Variants in LINGO2 observed in about 807,000 individuals in gnomAD.
LINGO2 encodes leucine-rich repeat and immunoglobulin-like domain-containing nogo receptor-interacting protein 2.
Under a neutral mutation model 30.6 loss-of-function variants are expected in LINGO2, and 14 were observed. The observed-to-expected ratio is 0.46, with a 90% CI of 0.30 to 0.72. The LOEUF (loss-of-function observed/expected upper bound fraction) is 0.72. LINGO2 is among the 30% of genes least tolerant of loss of function. The pLI, the probability that LINGO2 is intolerant of heterozygous loss-of-function variation, is 0.07. For missense variants in LINGO2, 729 were observed against 751.7 expected (o/e 0.97, Z 0.35); for synonymous variants, 317 against 288.5 (o/e 1.10, Z -1.00).
the LINGO2 span, among the ~76,000 whole-genome samples, chr9:28,950,556 A>T: frequency 2.0e-4 from 30 of 147,286 alleles, no homozygotes; most frequent in Admixed American, 1.4e-3. Context: ...GTCTCAGGAT[A>T]CAAAATCAAT....
At chr9:28,919,497 C>T in the LINGO2 span, among the ~76,000 whole-genome samples, 55 of 152,172 alleles carry the variant, frequency 3.6e-4, no homozygotes, top group African/African-American at 1.2e-3. Context: ...ATGTTATGTC[C>T]TGGTTCAGCA....
intron 4 of LINGO2, among the ~76,000 whole-genome samples, chr9:28,059,558 G>T (rs1256844248): frequency 6.6e-5 from 10 of 152,282 alleles, no homozygotes; most frequent in Admixed American, 5.9e-4. Context: ...CTTCACAAGT[G>T]TGAGGAGACA....
the LINGO2 span, among the ~76,000 whole-genome samples, chr9:28,794,408 G>A: frequency 6.6e-6 from 1 of 152,196 alleles, no homozygotes; most frequent in Non-Finnish European, 1.5e-5. Context: ...GAAACATTGA[G>A]TTAGTTCTGG....
chr9:28,113,459 T>C (rs1264755221), intron 4 of LINGO2, among the ~76,000 whole-genome samples: 3 of 14,468 alleles, frequency 2.1e-4, no homozygotes, highest in African/African-American at 9.8e-4. Context: ...AAGTCATTGG[T>C]AGCTTGATGG....
chr9:29,137,330 C>G, the LINGO2 span, among the ~76,000 whole-genome samples: 39 of 152,110 alleles, frequency 2.6e-4, no homozygotes, highest in Non-Finnish European at 4.4e-4. Flanking sequence ...TTTTATAAAT[C>G]TTCATTATTT....
chr9:29,190,823 T>C, the LINGO2 span, among the ~76,000 whole-genome samples: 125 of 152,296 alleles, frequency 8.2e-4, no homozygotes, highest in African/African-American at 2.7e-3. Flanking sequence ...AATTAACTGG[T>C]ATGGCATTGT....
chr9:28,127,257 G>T (rs1216091191), intron 4 of LINGO2, among the ~76,000 whole-genome samples: 3 of 152,104 alleles, frequency 2.0e-5, no homozygotes, highest in African/African-American at 7.2e-5. Context: ...GATGTCCAGG[G>T]ATTTTGATGC....
At chr9:28,450,298 T>C (rs1444887186) in intron 2 of LINGO2, among the ~76,000 whole-genome samples, 1 of 152,030 alleles carries the variant, frequency 6.6e-6, no homozygotes, top group Non-Finnish European at 1.5e-5. Flanking sequence ...ATCTGCCTAC[T>C]CACAAACTTC....
At chr9:28,547,673 G>T (rs1023578648) in intron 1 of LINGO2, among the ~76,000 whole-genome samples, 2 of 152,050 alleles carry the variant, frequency 1.3e-5, no homozygotes, top group Admixed American at 1.3e-4. Flanking sequence ...GCTAACAAAA[G>T]TTCAAATGGA....
chr9:28,060,950 C>A (rs745687587), intron 4 of LINGO2, among the ~76,000 whole-genome samples: 33 of 151,974 alleles, frequency 2.2e-4, no homozygotes, highest in Non-Finnish European at 4.3e-4. Flanking sequence ...CCCCAGTATC[C>A]TTCAGATATC....
chr9:28,640,955 T>C (rs9776184), intron 1 of LINGO2, among the ~76,000 whole-genome samples: 3,162 of 152,206 alleles, frequency 0.021, 116 homozygotes, highest in African/African-American at 0.069. Flanking sequence ...ATCTTCATGG[T>C]TTTATCTACC....
chr9:28,315,310 C>T (rs927964658), intron 3 of LINGO2, among the ~76,000 whole-genome samples: 5 of 151,316 alleles, frequency 3.3e-5, no homozygotes, highest in African/African-American at 1.2e-4. Flanking sequence ...GAGGCTGAGG[C>T]AGAGAATTTC....
chr9:28,055,798 C>T (rs13285643), intron 4 of LINGO2, among the ~76,000 whole-genome samples: 3,773 of 152,240 alleles, frequency 0.025, 75 homozygotes, highest in Non-Finnish European at 0.038. Flanking sequence ...TATTTGAAGC[C>T]TATGGATATA....
chr9:27,999,676 A>G (rs567878726), intron 5 of LINGO2, among the ~76,000 whole-genome samples: 1 of 152,128 alleles, frequency 6.6e-6, no homozygotes, highest in Non-Finnish European at 1.5e-5. Flanking sequence ...AATATTAGTG[A>G]TATCCATTAT....
chr9:28,471,886 A>G, intron 2 of LINGO2, among the ~76,000 whole-genome samples: 1 of 152,206 alleles, frequency 6.6e-6, no homozygotes, highest in East Asian at 1.9e-4. Flanking sequence ...TACATTGAAA[A>G]TTAAACTATT....
At chr9:28,719,637 T>G in the LINGO2 span, among the ~76,000 whole-genome samples, 1 of 152,144 alleles carries the variant, frequency 6.6e-6, no homozygotes, top group South Asian at 2.1e-4. Flanking sequence ...CTTTTTATGC[T>G]TTCCTCTTAT....
chr9:29,199,453 AT>A, the LINGO2 span, among the ~76,000 whole-genome samples: 1 of 152,194 alleles, frequency 6.6e-6, no homozygotes, highest in African/African-American at 2.4e-5. Flanking sequence ...CCAGGGTTAC[AT>A]TTAAGTCAGT....
the LINGO2 span, among the ~76,000 whole-genome samples, chr9:29,107,409 T>C: frequency 2.6e-3 from 394 of 152,268 alleles, no homozygotes; most frequent in Non-Finnish European, 4.1e-3. Context: ...AGAAGCATTT[T>C]GCTTCAGAGT....
At chr9:28,556,209 C>G (rs1408725604) in intron 1 of LINGO2, among the ~76,000 whole-genome samples, 2 of 151,898 alleles carry the variant, frequency 1.3e-5, no homozygotes, top group African/African-American at 4.8e-5. Context: ...TCAAATTGTC[C>G]CTGTTTGCAG....
Sources: allele counts gnomAD v4.1 joint callset (sites outside exome capture counted in the v4.1 genomes callset), GRCh38; gene constraint gnomAD v4.1.1; transcripts MANE v1.5; gene names NCBI Gene and HGNC (gene_info 2026-07-23, HGNC 2026-07-21).